The following NIBAN2 variants were observed in gnomAD, a reference collection of about 807,000 sequenced individuals.
NIBAN2 encodes the protein protein Niban 2.
A neutral mutation model predicts 81.8 loss-of-function variants in NIBAN2; 36 were observed. That is an observed-to-expected ratio of 0.44 (90% CI 0.34 to 0.58). The LOEUF is 0.58. Ranked by LOEUF, NIBAN2 falls within the 20% of genes least tolerant of loss-of-function variation. The pLI is 0.02. For missense variants in NIBAN2, 897 were observed against 1,014.1 expected (o/e 0.88, Z 1.57); for synonymous variants, 445 against 441.6 (o/e 1.01, Z -0.10).
At chr9:127,568,333 C>G (rs56243051) in intron 1 of NIBAN2, among the ~76,000 whole-genome samples, 1 of 152,202 alleles carries the variant, frequency 6.6e-6, no homozygotes, top group Non-Finnish European at 1.5e-5. Flanking sequence ...TGGGCGCGTC[C>G]TTCAGGAAGC....
Position 127,527,314 on chromosome 9 carries a change from C to T in NIBAN2, c.195G>A (p.Leu65=), listed in dbSNP as rs1837092308. The T allele has an allele frequency of 6.2e-7, 1 of 1,613,142 alleles. No homozygotes were observed. The highest frequency in any genetic ancestry group is 8.5e-7 in the Non-Finnish European group (1 of 1,179,848). Residue 65 remains leucine, a synonymous_variant, in exon 3 of 14, where the codon CTG becomes CTA. Transcript: ENST00000373312. ...TCCCCGAGAAGACGATGCGCTCGTC[C>T]AGTGGCACCTGTGGGCAGGAGCGGG... ...QAQLLWRKVP[L]DERIVFSGNL...
Position 127,511,946 on chromosome 9 carries a change from AATGC to A in NIBAN2, c.974-1617_974-1614del, listed in dbSNP as rs371786324. Among the ~76,000 whole-genome samples, 4 of 152,306 alleles carry A rather than the reference AATGC, an allele frequency of 2.6e-5. 1 individual carries two copies. Among genetic ancestry groups the A allele is most frequent in the African/African-American group, 9.6e-5 (4 of 41,564 alleles). ...TTTATCCAAAAAAAAGAAAATAACA[AATGC>A]TAGCGAGGATGTGGAGAAAAGGGAA... On this transcript the variant is annotated intron_variant, in intron 8 of 13. Coordinates refer to ENST00000373312, the MANE Select transcript of NIBAN2 (RefSeq NM_022833.4).
In NIBAN2 at chr9:127,552,295, G is replaced by A. The variant is rs567613275; in HGVS notation, c.55+16525C>T. On this transcript the variant is annotated intron_variant, in intron 1 of 13. Transcript: ENST00000373312. Reference sequence around the variant, plus strand: ...GTTTACAACAACAAAAAATAGAGCCGGACACCATGGCTCATGCCTGTAATC... The same window carrying A: ...GTTTACAACAACAAAAAATAGAGCCAGACACCATGGCTCATGCCTGTAATC... Among the ~76,000 whole-genome samples the A allele has an allele frequency of 5.9e-5, 9 of 152,230 alleles. No homozygotes were observed. The South Asian group carries it at 1.0e-3, about 18-fold the overall frequency.
At chr9:127,558,487 T>A (rs184270008) in intron 1 of NIBAN2, among the ~76,000 whole-genome samples, 1 of 152,104 alleles carries the variant, frequency 6.6e-6, no homozygotes. Flanking sequence ...AAGGAGGGGA[T>A]TGGTTAGAGG....
intron 8 of NIBAN2, among the ~76,000 whole-genome samples, chr9:127,511,700 G>T (rs1836738950): frequency 6.6e-6 from 1 of 152,036 alleles, no homozygotes; most frequent in Non-Finnish European, 1.5e-5. Context: ...AAAATATAAG[G>T]ATCTCAAACA....
chr9:127,510,420 A>C, intron 8 of NIBAN2, 87 bp from the exon 9 acceptor site: 1 of 814,664 alleles, frequency 1.2e-6, no homozygotes, highest in South Asian at 2.9e-5. Flanking sequence ...AGGCTACTGT[A>C]TTACTATTAT....
Position 127,508,313 on chromosome 9 carries a change from G to A in NIBAN2, c.1434+109C>T. 2 of 1,314,674 alleles carry A rather than the reference G, an allele frequency of 1.5e-6. No individual in the cohort carries two copies. The highest frequency in any genetic ancestry group is 2.4e-5 in the South Asian group (2 of 83,418). 81.4% of individuals were successfully genotyped at this position (1,314,674 alleles called of 1,614,324 possible). A position where few individuals can be genotyped will look rare whatever the true frequency, so the allele number is the denominator to read the frequency against. On this transcript the variant is annotated intron_variant, in intron 11 of 13. Transcript: ENST00000373312. The surrounding 1 kb of genome is among the most constrained non-coding windows in gnomAD (Gnocchi z 6.4). The stretch of plus-strand genomic sequence containing the variant: ...CCTCCGAGTCCTCATCCGCACAAGA[G>A]GACCATGGCGCCTCCTTGCAGGGAC...
chr9:127,509,442 G>A (rs1474510578), intron 9 of NIBAN2, among the ~76,000 whole-genome samples: 1 of 152,160 alleles, frequency 6.6e-6, no homozygotes, highest in Non-Finnish European at 1.5e-5. Context: ...CCCTCTCTGA[G>A]CCTCAGTTTC....
intron 1 of NIBAN2, among the ~76,000 whole-genome samples, chr9:127,555,350 C>G (rs922211425): frequency 1.3e-5 from 2 of 152,200 alleles, no homozygotes; most frequent in Non-Finnish European, 2.9e-5. Context: ...TTTAGAAGAT[C>G]CCAATACTTT....
intron 1 of NIBAN2, chr9:127,561,273 C>T: frequency 3.0e-6 from 3 of 985,496 alleles, no homozygotes; most frequent in Non-Finnish European, 3.6e-6. Flanking sequence ...TTTAGGGCTG[C>T]TTAGGAAAGG....
chr9:127,535,448 G>A (rs563266261), intron 1 of NIBAN2, among the ~76,000 whole-genome samples: 1 of 152,346 alleles, frequency 6.6e-6, no homozygotes, highest in South Asian at 2.1e-4. Flanking sequence ...GGCCCAAGTT[G>A]GGCAGGCTGT....
intron 1 of NIBAN2, among the ~76,000 whole-genome samples, chr9:127,574,296 C>T (rs1837983097): frequency 6.6e-6 from 1 of 152,170 alleles, no homozygotes; most frequent in South Asian, 2.1e-4. Context: ...ACCTACAGGT[C>T]CTGACTCATC....
chr9:127,569,509 C>G (rs1476123521), upstream of NIBAN2, among the ~76,000 whole-genome samples: 1 of 151,984 alleles, frequency 6.6e-6, no homozygotes, highest in Non-Finnish European at 1.5e-5. Flanking sequence ...CCCAACCTTG[C>G]CCGCGCGGGA....
At position 127,551,106 on chromosome 9, in the gene NIBAN2, C is replaced by T. The variant is rs1837567436; in HGVS notation, c.55+17714G>A. On this transcript the variant is annotated intron_variant, in intron 1 of 13. Coordinates refer to ENST00000373312, the MANE Select transcript of NIBAN2 (RefSeq NM_022833.4). ...GAACGGCACTTTGAAAAAAAACTAC[C>T]GGCTAGGTGCGGTGGCTCATGTCTG... Among the ~76,000 whole-genome samples the T allele has an allele frequency of 3.3e-5, 5 of 152,230 alleles. No homozygotes were observed. In the South Asian group the frequency reaches 8.3e-4, roughly 25 times the overall value.
chr9:127,578,967 G>C, exon 1 of NIBAN2: 1 of 1,604,214 alleles, frequency 6.2e-7, no homozygotes, highest in Non-Finnish European at 8.5e-7. Flanking sequence ...AAAAGGAAGG[G>C]ACCGGAACTG....
intron 2 of NIBAN2, 61 bp downstream of exon 2, chr9:127,531,587 C>G (rs997936724): frequency 1.9e-6 from 3 of 1,551,536 alleles, no homozygotes; most frequent in African/African-American, 2.7e-5. Flanking sequence ...TAAGGTCACT[C>G]CCCCGAGGCC....
intron 1 of NIBAN2, among the ~76,000 whole-genome samples, chr9:127,551,542 TATAA>T: frequency 6.7e-6 from 1 of 148,784 alleles, no homozygotes; most frequent in Middle Eastern, 3.5e-3. Flanking sequence ...TAAATAAAAA[TATAA>T]ATAAATAAAT....
At chr9:127,543,833 A>T (rs149897675) in intron 1 of NIBAN2, among the ~76,000 whole-genome samples, 256 of 152,314 alleles carry the variant, frequency 1.7e-3, no homozygotes, top group African/African-American at 5.8e-3. Flanking sequence ...CTTGCAGAAA[A>T]TTATAATCAT....
upstream of NIBAN2, among the ~76,000 whole-genome samples, chr9:127,569,596 C>G (rs927440632): frequency 6.6e-6 from 1 of 151,956 alleles, no homozygotes; most frequent in Non-Finnish European, 1.5e-5. Context: ...GGCGTTCGCC[C>G]CCTCCTCTAC....
Sources: gnomAD v4.1 joint callset for allele counts (sites outside exome capture counted in the v4.1 genomes callset) on GRCh38, gnomAD v4.1.1 for gene constraint, Gnocchi (gnomAD v3.1) non-coding constraint, MANE v1.5 for transcripts, NCBI Gene and HGNC (gene_info 2026-07-23, HGNC 2026-07-21) for gene names.